Variants in SCFD2 observed in about 807,000 individuals in gnomAD.
The protein encoded by SCFD2 is sec1 family domain containing 2.
A neutral mutation model predicts 58.9 loss-of-function variants in SCFD2; 54 were observed. That is an observed-to-expected ratio of 0.92 (90% CI 0.74 to 1.15). The LOEUF is 1.15. Among genes scored for constraint, SCFD2 ranks in the 50% most tolerant of loss-of-function variants. The probability of loss-of-function intolerance (pLI) is 0.00; values close to 1 mark genes in which losing one functional copy is unlikely to be tolerated. For synonymous variants in SCFD2, 321 were observed against 335.9 expected (o/e 0.96, Z 0.49); for missense variants, 805 against 836.6 (o/e 0.96, Z 0.47).
chr4:53,057,854 CA>C (rs1263450318), intron 5 of SCFD2, among the ~76,000 whole-genome samples: 1 of 151,978 alleles, frequency 6.6e-6, no homozygotes, highest in African/African-American at 2.4e-5. Flanking sequence ...TGTTAGCAGC[CA>C]AAATGTAACG....
intron 4 of SCFD2, 98 bp from the exon 5 acceptor site, chr4:53,145,680 A>G (rs1726308567): frequency 9.0e-7 from 1 of 1,114,032 alleles, no homozygotes; most frequent in Non-Finnish European, 1.3e-6. Flanking sequence ...AAGTCTGTAT[A>G]TGATATTTAC....
intron 5 of SCFD2, among the ~76,000 whole-genome samples, chr4:53,010,416 A>G (rs967457006): frequency 1.3e-5 from 2 of 152,268 alleles, no homozygotes; most frequent in African/African-American, 4.8e-5. Context: ...AATGACAAGA[A>G]CAGTCTAGCA....
chr4:52,923,603 G>T (rs999318659), intron 5 of SCFD2, among the ~76,000 whole-genome samples: 14 of 152,276 alleles, frequency 9.2e-5, no homozygotes, highest in African/African-American at 2.9e-4. Flanking sequence ...GGATTGGGGG[G>T]TAGGGGAAGA....
chr4:53,159,630 C>G (rs538364781), intron 4 of SCFD2, among the ~76,000 whole-genome samples: 1 of 152,152 alleles, frequency 6.6e-6, no homozygotes, highest in Non-Finnish European at 1.5e-5. Flanking sequence ...GTAAGGCACA[C>G]GACTAGCCCA....
intron 5 of SCFD2, among the ~76,000 whole-genome samples, chr4:53,097,487 G>A (rs1489734922): frequency 2.0e-5 from 3 of 152,122 alleles, no homozygotes; most frequent in African/African-American, 7.2e-5. Context: ...ATTGTGAATA[G>A]GAGTTCACTC....
intron 5 of SCFD2, among the ~76,000 whole-genome samples, chr4:52,975,634 A>T (rs1179827210): frequency 1.3e-5 from 2 of 152,162 alleles, no homozygotes; most frequent in African/African-American, 4.8e-5. Context: ...AGGGATCCAG[A>T]AGTAGAAATA....
intron 7 of SCFD2, among the ~76,000 whole-genome samples, chr4:52,905,901 T>C (rs1340755641): frequency 6.6e-6 from 1 of 152,252 alleles, no homozygotes; most frequent in African/African-American, 2.4e-5. Flanking sequence ...ACAACACGAC[T>C]CTGTTCTATA....
chr4:53,331,029 T>G (rs923688600), intron 2 of SCFD2, among the ~76,000 whole-genome samples: 18 of 151,202 alleles, frequency 1.2e-4, no homozygotes, highest in African/African-American at 4.1e-4. Flanking sequence ...AGGGATCAAT[T>G]CAACAAGAAG....
At chr4:53,299,280 G>A (rs989830490) in intron 3 of SCFD2, among the ~76,000 whole-genome samples, 12 of 152,194 alleles carry the variant, frequency 7.9e-5, no homozygotes, top group Non-Finnish European at 5.9e-5. Flanking sequence ...ACCACGGCAC[G>A]AGAACTACGT....
At chr4:53,155,489 T>C (rs1303895531) in intron 4 of SCFD2, among the ~76,000 whole-genome samples, 3 of 152,224 alleles carry the variant, frequency 2.0e-5, no homozygotes, top group African/African-American at 7.2e-5. Flanking sequence ...CTAGTTGTTA[T>C]AAATTACCCA....
At chr4:53,024,460 T>C (rs921049515) in intron 5 of SCFD2, among the ~76,000 whole-genome samples, 1 of 152,102 alleles carries the variant, frequency 6.6e-6, no homozygotes, top group African/African-American at 2.4e-5. Context: ...TGAGGGGAAG[T>C]GACATAAAGT....
intron 7 of SCFD2, among the ~76,000 whole-genome samples, chr4:52,897,936 T>C (rs183596331): frequency 4.9e-4 from 74 of 152,374 alleles, no homozygotes; most frequent in Middle Eastern, 3.4e-3. Flanking sequence ...TTGTAGTTTA[T>C]TTGCGCAGAG....
chr4:52,958,655 T>C (rs575275156), intron 5 of SCFD2, among the ~76,000 whole-genome samples: 31 of 152,218 alleles, frequency 2.0e-4, no homozygotes, highest in Admixed American at 3.9e-4. Context: ...GACTCTAACT[T>C]GGGAGTAGTT....
chr4:53,335,687 A>C (rs1733661933), intron 2 of SCFD2, among the ~76,000 whole-genome samples: 1 of 152,144 alleles, frequency 6.6e-6, no homozygotes, highest in African/African-American at 2.4e-5. Flanking sequence ...TATTTCTGAA[A>C]CTTTTTTGTA....
At chr4:53,282,310 G>T (rs923964913) in intron 3 of SCFD2, among the ~76,000 whole-genome samples, 1 of 151,930 alleles carries the variant, frequency 6.6e-6, no homozygotes, top group African/African-American at 2.4e-5. Context: ...GATTGCTTCT[G>T]TATGTTTGTC....
chr4:53,007,491 G>A (rs557188816), intron 5 of SCFD2, among the ~76,000 whole-genome samples: 1 of 152,246 alleles, frequency 6.6e-6, no homozygotes, highest in East Asian at 1.9e-4. Flanking sequence ...AAAGCACTGT[G>A]AGAGGTAGCT....
intron 5 of SCFD2, among the ~76,000 whole-genome samples, chr4:53,097,212 C>G (rs1054666915): frequency 1.3e-5 from 2 of 152,054 alleles, no homozygotes; most frequent in Non-Finnish European, 2.9e-5. Flanking sequence ...TCTTTTGGTT[C>G]CATATGAACT....
intron 4 of SCFD2, among the ~76,000 whole-genome samples, chr4:53,163,480 TAAG>T (rs1726915591): frequency 6.6e-6 from 1 of 152,026 alleles, no homozygotes; most frequent in Admixed American, 6.6e-5. Flanking sequence ...TCCCAGCACT[TAAG>T]GAGGCCGAGG....
chr4:52,873,838 C>G lies in SCFD2; in HGVS notation c.*131G>C. The stretch of plus-strand genomic sequence containing the variant: ...TACCTCACTGAGTAGGTATCAAGAC[C>G]CTTCAGGCAGAATTCCATCATTCTC... On this transcript the variant is annotated 3_prime_UTR_variant, in exon 9 of 9. Coordinates refer to ENST00000401642, the MANE Select transcript of SCFD2 (RefSeq NM_152540.4). The G allele has an allele frequency of 3.0e-6, 2 of 658,070 alleles. No individual in the cohort carries two copies. Among genetic ancestry groups the G allele is most frequent in the Non-Finnish European group, 5.5e-6 (2 of 360,866 alleles). The allele number at this position is 658,070 out of a possible 1,614,324, so 40.8% of individuals were successfully genotyped here.
Sources: gnomAD v4.1 joint callset for allele counts (sites outside exome capture counted in the v4.1 genomes callset) on GRCh38, gnomAD v4.1.1 for gene constraint, MANE v1.5 for transcripts, NCBI Gene and HGNC (gene_info 2026-07-23, HGNC 2026-07-21) for gene names.